KIAA1217: variants seen among roughly 807,000 people sequenced by gnomAD.
KIAA1217 encodes the protein sickle tail protein homolog.
A neutral mutation model predicts 163.9 loss-of-function variants in KIAA1217; 88 were observed. The observed-to-expected ratio is 0.54, with a 90% confidence interval of 0.45 to 0.64. KIAA1217 has a LOEUF of 0.64. KIAA1217 is among the 30% of genes least tolerant of loss of function. The probability of loss-of-function intolerance (pLI) is 0.00; values close to 1 mark genes in which losing one functional copy is unlikely to be tolerated. For synonymous variants in KIAA1217, 903 were observed against 923.1 expected (o/e 0.98, Z 0.39); for missense variants, 2,372 against 2,475.0 (o/e 0.96, Z 0.88).
chr10:24,093,412 T>G (rs12268480), intron 2 of KIAA1217, among the ~76,000 whole-genome samples: 11,563 of 151,582 alleles, frequency 0.076, 797 homozygotes, highest in Middle Eastern at 0.16. Flanking sequence ...TCTCCGATGA[T>G]CCACCCACCT....
At chr10:24,424,261 G>C (rs2131605082) in intron 3 of KIAA1217, among the ~76,000 whole-genome samples, 1 of 152,316 alleles carries the variant, frequency 6.6e-6, no homozygotes, top group East Asian at 1.9e-4. Flanking sequence ...GTATCCTAGA[G>C]CCATTTGAGG....
At chr10:24,060,887 T>C (rs1389787681) in intron 2 of KIAA1217, among the ~76,000 whole-genome samples, 1 of 152,206 alleles carries the variant, frequency 6.6e-6, no homozygotes, top group African/African-American at 2.4e-5. Context: ...CTGAAGAATA[T>C]TTTATTTGTA....
intron 1 of KIAA1217, among the ~76,000 whole-genome samples, chr10:23,843,413 A>G (rs1004001616): frequency 6.6e-6 from 1 of 152,186 alleles, no homozygotes; most frequent in Non-Finnish European, 1.5e-5. Flanking sequence ...TAATCTCAAC[A>G]GAGATGACTT....
intron 1 of KIAA1217, among the ~76,000 whole-genome samples, chr10:23,958,253 A>T (rs1259417232): frequency 1.3e-5 from 2 of 152,202 alleles, no homozygotes; most frequent in African/African-American, 4.8e-5. Context: ...TGAGAAGTCA[A>T]ATCCAGCTCA....
At chr10:24,423,470 GT>G (rs200966968) in intron 3 of KIAA1217, among the ~76,000 whole-genome samples, 2,913 of 148,116 alleles carry the variant, frequency 0.02, 91 homozygotes, top group African/African-American at 0.069. Context: ...TTTTTGTTTT[GT>G]TTTTTTGAGA....
At chr10:23,810,122 T>C (rs139382070) in intron 1 of KIAA1217, among the ~76,000 whole-genome samples, 1 of 151,930 alleles carries the variant, frequency 6.6e-6, no homozygotes, top group East Asian at 1.9e-4. Flanking sequence ...GTTAGGTGTG[T>C]AAAATGCATT....
chr10:24,409,785 AT>A (rs2131300679), intron 3 of KIAA1217, among the ~76,000 whole-genome samples: 1 of 152,010 alleles, frequency 6.6e-6, no homozygotes, highest in Non-Finnish European at 1.5e-5. Flanking sequence ...CCACTCTATC[AT>A]TCTTATGCCT....
intron 10 of KIAA1217, among the ~76,000 whole-genome samples, chr10:24,518,634 A>G (rs2070589915): frequency 6.6e-6 from 1 of 152,226 alleles, no homozygotes; most frequent in Non-Finnish European, 1.5e-5. Context: ...TCCAGTCAAT[A>G]CAGGGAAGTC....
chr10:24,501,269 T>G, intron 8 of KIAA1217, 110 bp from the exon 9 acceptor site: 10 of 899,784 alleles, frequency 1.1e-5, no homozygotes, highest in Non-Finnish European at 1.7e-5. Flanking sequence ...TTTTTTGTAA[T>G]GAGAGAATTA....
intron 1 of KIAA1217, among the ~76,000 whole-genome samples, chr10:23,977,774 T>G (rs1280679625): frequency 6.6e-6 from 1 of 152,172 alleles, no homozygotes; most frequent in African/African-American, 2.4e-5. Flanking sequence ...TGTTTCCCTT[T>G]TAAGTTAATG....
chr10:23,712,756 G>T lies in KIAA1217; in HGVS notation c.-321+17522G>T, dbSNP rs372145307. Among the ~76,000 whole-genome samples, 14 of 152,178 alleles carry T rather than the reference G, an allele frequency of 9.2e-5. No individual in the cohort carries two copies. The East Asian group carries it at 1.4e-3, about 15-fold the overall frequency. ...CTACTTTTTAATACAGGATAAAGTTGTACATGTCACTGTTATCTAATTACT... is the reference window on the plus strand; with the variant it reads ...CTACTTTTTAATACAGGATAAAGTTTTACATGTCACTGTTATCTAATTACT... On this transcript the variant is annotated intron_variant, in intron 1 of 18. Coordinates refer to the KIAA1217 transcript ENST00000376462.
intron 1 of KIAA1217, among the ~76,000 whole-genome samples, chr10:24,213,556 T>C (rs1399282053): frequency 9.0e-6 from 1 of 110,596 alleles, no homozygotes; most frequent in Non-Finnish European, 1.9e-5. Flanking sequence ...AGAGTCTATA[T>C]GATTTGTTTG....
chr10:24,526,318 C>T (rs145576132), intron 13 of KIAA1217, among the ~76,000 whole-genome samples: 1 of 152,160 alleles, frequency 6.6e-6, no homozygotes, highest in African/African-American at 2.4e-5. Flanking sequence ...TCAGAGCCAG[C>T]TATTTTAAAA....
At chr10:23,823,339 A>G (rs1837717401) in intron 1 of KIAA1217, among the ~76,000 whole-genome samples, 1 of 152,230 alleles carries the variant, frequency 6.6e-6, no homozygotes, top group Non-Finnish European at 1.5e-5. Context: ...ATCCTTGCCC[A>G]TGGGCTGCTC....
intron 1 of KIAA1217, among the ~76,000 whole-genome samples, chr10:24,004,015 T>C (rs1307871061): frequency 1.3e-5 from 2 of 152,202 alleles, no homozygotes; most frequent in African/African-American, 2.4e-5. Flanking sequence ...AGTCTCACTC[T>C]ATTGCCCAGG....
At chr10:24,013,948 G>A (rs1847362609) in intron 2 of KIAA1217, among the ~76,000 whole-genome samples, 1 of 152,138 alleles carries the variant, frequency 6.6e-6, no homozygotes, top group Non-Finnish European at 1.5e-5. Flanking sequence ...TGTGGGATGT[G>A]TCACTGTCTG....
intron 1 of KIAA1217, among the ~76,000 whole-genome samples, chr10:23,717,855 C>A (rs1837662726): frequency 6.6e-6 from 1 of 152,130 alleles, no homozygotes; most frequent in African/African-American, 2.4e-5. Context: ...ACCACTTGTT[C>A]AGGAAAAGTT....
At chr10:24,145,608 A>C (rs943052307) in intron 2 of KIAA1217, among the ~76,000 whole-genome samples, 4 of 152,220 alleles carry the variant, frequency 2.6e-5, no homozygotes, top group Non-Finnish European at 4.4e-5. Context: ...TCACAAGGTG[A>C]AGTCCCATAA....
At chr10:23,701,317 A>C (rs537693379) in intron 1 of KIAA1217, among the ~76,000 whole-genome samples, 2 of 152,304 alleles carry the variant, frequency 1.3e-5, no homozygotes, top group South Asian at 2.1e-4. Context: ...TATCTCTCCA[A>C]GATATGGCAT....
Sources: allele counts gnomAD v4.1 joint callset (sites outside exome capture counted in the v4.1 genomes callset), GRCh38; gene constraint gnomAD v4.1.1; transcripts MANE v1.5; gene names NCBI Gene and HGNC (gene_info 2026-07-23, HGNC 2026-07-21).